Variants in ARHGAP26 observed in about 807,000 individuals in gnomAD.
ARHGAP26 encodes the protein rho GTPase-activating protein 26.
ARHGAP26 carries 38 observed loss-of-function variants against 104.8 expected under a neutral mutation model. That is an observed-to-expected ratio of 0.36 (90% CI 0.28 to 0.48). ARHGAP26 has a LOEUF of 0.48. ARHGAP26 is among the 20% of genes least tolerant of loss of function. The probability of loss-of-function intolerance (pLI) is 0.99; values close to 1 mark genes in which losing one functional copy is unlikely to be tolerated. For synonymous variants in ARHGAP26, 341 were observed against 340.0 expected, an observed-to-expected ratio of 1.00 and a Z score of -0.03; for missense variants, 704 against 947.9, an observed-to-expected ratio of 0.74 and a Z score of 3.38.
At chr5:143,041,571 G>T in intron 13 of ARHGAP26, 1 of 377,696 alleles carries the variant, frequency 2.6e-6, no homozygotes, top group Non-Finnish European at 5.1e-6. Flanking sequence ...AGCTTCTTTC[G>T]CCGCTGATGA....
intron 6 of ARHGAP26, among the ~76,000 whole-genome samples, chr5:142,895,318 C>T (rs1436084298): frequency 6.6e-6 from 1 of 152,062 alleles, no homozygotes; most frequent in Non-Finnish European, 1.5e-5. Flanking sequence ...GCAGCCTCTG[C>T]CTTCTGGGTT....
At chr5:142,946,476 A>G (rs1767126402) in intron 11 of ARHGAP26, 1 of 152,202 alleles carries the variant, frequency 6.6e-6, no homozygotes, top group Admixed American at 6.5e-5. Context: ...TGCAATTTGC[A>G]AAAGAAAGTT....
intron 22 of ARHGAP26, chr5:143,216,145 A>G: frequency 2.1e-6 from 1 of 471,660 alleles, no homozygotes; most frequent in Non-Finnish European, 4.4e-6. Flanking sequence ...AAGGAAGAGA[A>G]GCCTGGATGA....
rs1301450056 is a variant in ARHGAP26 at position 143,207,602 on chromosome 5, A to G, written c.2099+294A>G. On this transcript the variant is annotated intron_variant, in intron 21 of 22. Transcript: ENST00000645722. ...GAGCTAAAAGGGACCATTTGCATGA[A>G]TCAGCATGGCATTTTTCACACCCTT... The G allele has an allele frequency of 8.9e-6, 10 of 1,125,440 alleles. No homozygotes were observed. In the Admixed American group the frequency reaches 2.4e-4, roughly 26 times the overall value. 69.7% of individuals were successfully genotyped at this position (1,125,440 alleles called of 1,614,324 possible). A position where few individuals can be genotyped will look rare whatever the true frequency, so the allele number is the denominator to read the frequency against.
rs374875735 is a variant in ARHGAP26, at chr5:142,968,068, T to TTCCTCTTCCTCC, written c.1107+35949_1107+35960dup. On this transcript the variant is annotated intron_variant, in intron 11 of 22. Coordinates refer to ENST00000645722, the MANE Select transcript of ARHGAP26 (RefSeq NM_001135608.3). ...GCTTTACTTCTTGCTTCTCCTCCTCTTCCTCTTCCTCCTCCTCCTATTCCT... is the reference window on the plus strand; with the variant it reads ...GCTTTACTTCTTGCTTCTCCTCCTCTTCCTCTTCCTCCTCCTCTTCCTCCTCCTCCTATTCCT... Among the ~76,000 whole-genome samples, 6 of 152,250 alleles carry TTCCTCTTCCTCC rather than the reference T, an allele frequency of 3.9e-5. No homozygotes were observed. The East Asian group carries it at 1.2e-3, about 29-fold the overall frequency.
chr5:142,983,578 T>C (rs1029123343), intron 11 of ARHGAP26, among the ~76,000 whole-genome samples: 2 of 152,200 alleles, frequency 1.3e-5, no homozygotes, highest in Admixed American at 6.5e-5. Context: ...AGAACATAGA[T>C]ATAAAGGTAC....
chr5:142,875,761 GA>G (rs1433646011), intron 3 of ARHGAP26, among the ~76,000 whole-genome samples: 2 of 152,218 alleles, frequency 1.3e-5, no homozygotes, highest in Non-Finnish European at 2.9e-5. Flanking sequence ...CTGGAAGACA[GA>G]GAGGGTCTCA....
chr5:142,796,959 A>G (rs1258686232), intron 1 of ARHGAP26, among the ~76,000 whole-genome samples: 1 of 152,204 alleles, frequency 6.6e-6, no homozygotes. Context: ...CTCACTAGCT[A>G]TAGCGTGGTG....
chr5:142,783,278 C>T (rs538951319), intron 1 of ARHGAP26, among the ~76,000 whole-genome samples: 46 of 152,322 alleles, frequency 3.0e-4, no homozygotes, highest in Non-Finnish European at 4.9e-4. Context: ...TGTGGCTCCA[C>T]GCCTGGGATC....
At chr5:142,955,662 T>A (rs1338492955) in intron 11 of ARHGAP26, among the ~76,000 whole-genome samples, 1 of 152,218 alleles carries the variant, frequency 6.6e-6, no homozygotes, top group Non-Finnish European at 1.5e-5. Context: ...CTCCAAGAAA[T>A]GACTGAGGAA....
At chr5:142,977,951 C>T (rs1773362246) in intron 11 of ARHGAP26, among the ~76,000 whole-genome samples, 1 of 152,148 alleles carries the variant, frequency 6.6e-6, no homozygotes, top group Admixed American at 6.5e-5. Context: ...TTTCATCAGC[C>T]CATGGCTGGG....
At chr5:142,775,330 A>T (rs927872407) in intron 1 of ARHGAP26, among the ~76,000 whole-genome samples, 9 of 152,104 alleles carry the variant, frequency 5.9e-5, no homozygotes, top group African/African-American at 2.2e-4. Flanking sequence ...CATTTTAAAA[A>T]ATTTAGCTAT....
intron 20 of ARHGAP26, among the ~76,000 whole-genome samples, chr5:143,157,566 G>GT (rs1800647207): frequency 6.6e-6 from 1 of 152,036 alleles, no homozygotes; most frequent in Non-Finnish European, 1.5e-5. Flanking sequence ...TCCTAAATAC[G>GT]TTGACCATAG....
At chr5:143,216,430 C>T (rs258821) in intron 22 of ARHGAP26, 114,822 of 399,034 alleles carry the variant, frequency 0.29, 18,390 homozygotes, top group East Asian at 0.5. Flanking sequence ...GGGCCCAGTT[C>T]CTGCCCCTCT....
intron 9 of ARHGAP26, among the ~76,000 whole-genome samples, chr5:142,911,316 AC>A (rs1227530831): frequency 6.6e-6 from 1 of 151,138 alleles, no homozygotes; most frequent in Non-Finnish European, 1.5e-5. Flanking sequence ...ACTTTCCCTC[AC>A]TCTGGGCTTC....
At chr5:142,935,140 A>T (rs1281979819) in intron 11 of ARHGAP26, among the ~76,000 whole-genome samples, 1 of 152,162 alleles carries the variant, frequency 6.6e-6, no homozygotes, top group Non-Finnish European at 1.5e-5. Context: ...AGCTGGATTT[A>T]TTGGGTTACA....
intron 12 of ARHGAP26, among the ~76,000 whole-genome samples, chr5:143,028,299 C>T (rs976788562): frequency 6.6e-6 from 1 of 152,166 alleles, no homozygotes; most frequent in Non-Finnish European, 1.5e-5. Flanking sequence ...GTGAGTCTGG[C>T]TTTCCTCATC....
At chr5:143,052,529 A>G (rs1343160035) in intron 14 of ARHGAP26, among the ~76,000 whole-genome samples, 1 of 152,234 alleles carries the variant, frequency 6.6e-6, no homozygotes, top group East Asian at 1.9e-4. Context: ...TTCATGTGAC[A>G]GGAAAGACTT....
At chr5:143,020,256 G>A (rs1780131957) in intron 12 of ARHGAP26, among the ~76,000 whole-genome samples, 1 of 152,108 alleles carries the variant, frequency 6.6e-6, no homozygotes. Context: ...CCTTCTGGGA[G>A]TTCTTAAGGG....
Sources: allele counts gnomAD v4.1 joint callset (sites outside exome capture counted in the v4.1 genomes callset), GRCh38; gene constraint gnomAD v4.1.1; transcripts MANE v1.5; gene names NCBI Gene and HGNC (gene_info 2026-07-23, HGNC 2026-07-21).